The following ADAMTSL3 variants were observed in gnomAD, a reference collection of about 807,000 sequenced individuals.
ADAMTSL3 encodes the protein ADAMTS-like protein 3.
In ADAMTSL3, 128 loss-of-function variants were observed where a neutral mutation model predicts 201.7. The ratio of observed to expected loss-of-function variants is 0.63; its 90% CI spans 0.55 to 0.73. ADAMTSL3 has a LOEUF of 0.73. Among genes scored for constraint, ADAMTSL3 ranks in the 30% least tolerant of loss-of-function variants. The pLI, the probability that ADAMTSL3 is intolerant of heterozygous loss-of-function variation, is 0.00. For missense variants in ADAMTSL3, 1,990 were observed against 2,119.6 expected (o/e 0.94, Z 1.20); for synonymous variants, 738 against 748.4 (o/e 0.99, Z 0.23).
At chr15:84,002,936 C>CTTTTCT (rs372772367) in intron 23 of ADAMTSL3, among the ~76,000 whole-genome samples, 36 of 100,000 alleles carry the variant, frequency 3.6e-4, no homozygotes, top group African/African-American at 8.4e-4. Flanking sequence ...CTTTTCTTTT[C>CTTTTCT]TTTTTTTTTT....
At chr15:83,834,650 A>G (rs1196459661) in intron 6 of ADAMTSL3, among the ~76,000 whole-genome samples, 1 of 152,228 alleles carries the variant, frequency 6.6e-6, no homozygotes, top group Non-Finnish European at 1.5e-5. Flanking sequence ...GTGATGATTT[A>G]TAGATGAATA....
intron 3 of ADAMTSL3, among the ~76,000 whole-genome samples, chr15:83,726,085 G>A (rs564938477): frequency 1.3e-4 from 20 of 151,882 alleles, no homozygotes; most frequent in South Asian, 1.0e-3. Context: ...TCAACGTTTC[G>A]TCGTTTTCAT....
chr15:83,951,574 G>A (rs1440422136), intron 19 of ADAMTSL3, among the ~76,000 whole-genome samples: 1 of 152,128 alleles, frequency 6.6e-6, no homozygotes, highest in Non-Finnish European at 1.5e-5. Context: ...TTTCAGAACA[G>A]TTCGAGTAAG....
rs1358403096 is a variant in ADAMTSL3, at chr15:83,822,025, C to T, written c.600+1978C>T. 2.0e-4 allele frequency among the ~76,000 whole-genome samples: 26 copies of T among 132,412 alleles called. 1 individual carries two copies. The highest frequency in any genetic ancestry group is 7.8e-4 in the South Asian group (3 of 3,864). The allele number at this position is 132,412 out of a possible 152,430, so 86.9% of individuals were successfully genotyped here. ...TGACCTCCCCCACCTCCCTCCCGGA[C>T]GGGGTGGCTGGCCGGGCAGAGGGGC... On this transcript the variant is annotated intron_variant, in intron 6 of 29. Coordinates refer to ENST00000286744, the MANE Select transcript of ADAMTSL3 (RefSeq NM_207517.3).
chr15:83,942,627 G>T lies in ADAMTSL3; in HGVS notation c.2149G>T (p.Ala717Ser). 6.2e-7 allele frequency: 1 copy of T among 1,613,824 alleles called. No individual in the cohort carries two copies. Among genetic ancestry groups the T allele is most frequent in the Non-Finnish European group, 8.5e-7 (1 of 1,179,938 alleles). ...TGTGGGCTCTTGGGGGCCCTGCTCA[G>T]CTACCTGTGGAGTTGGAATTCAGAC... ...WHVGSWGPCS[A>S]TCGVGIQTRD... The change falls in exon 18 of 30, where the codon GCT (alanine) becomes TCT (serine). Residue 717 changes from alanine to serine, a missense_variant. Ala to Ser is a moderately conservative substitution (Grantham distance 99, BLOSUM62 1). Coordinates refer to ENST00000286744, the MANE Select transcript of ADAMTSL3 (RefSeq NM_207517.3).
At chr15:83,673,847 G>T (rs912857183) in intron 2 of ADAMTSL3, among the ~76,000 whole-genome samples, 10 of 152,308 alleles carry the variant, frequency 6.6e-5, no homozygotes, top group Admixed American at 6.5e-4. Flanking sequence ...TGAGACTAGG[G>T]TTGGCACCAG....
intron 2 of ADAMTSL3, among the ~76,000 whole-genome samples, chr15:83,658,310 T>C (rs2061119390): frequency 6.6e-6 from 1 of 152,206 alleles, no homozygotes. Flanking sequence ...GGTTTTGCCA[T>C]GTTGGCCAGG....
intron 25 of ADAMTSL3, among the ~76,000 whole-genome samples, chr15:84,017,255 C>A (rs1003814360): frequency 1.4e-4 from 22 of 152,074 alleles, no homozygotes; most frequent in African/African-American, 5.3e-4. Context: ...GTAGCTGGGA[C>A]TACAGCCACC....
chr15:83,998,320 A>G (rs569382647), intron 23 of ADAMTSL3, among the ~76,000 whole-genome samples: 2 of 152,124 alleles, frequency 1.3e-5, no homozygotes, highest in Non-Finnish European at 2.9e-5. Context: ...ATAGTGGTGC[A>G]TGCCTGTAAT....
At chr15:83,937,001 T>G (rs1163369670) in intron 17 of ADAMTSL3, among the ~76,000 whole-genome samples, 2 of 150,732 alleles carry the variant, frequency 1.3e-5, no homozygotes, top group Non-Finnish European at 1.5e-5. Flanking sequence ...TATTAAAAAG[T>G]CAAAAAATTA....
intron 5 of ADAMTSL3, among the ~76,000 whole-genome samples, chr15:83,814,628 A>G (rs1326655751): frequency 6.6e-6 from 1 of 152,170 alleles, no homozygotes; most frequent in Non-Finnish European, 1.5e-5. Flanking sequence ...CCAACAATTT[A>G]TTTTTATGCT....
Position 83,874,404 on chromosome 15 carries a change from G to C in ADAMTSL3, c.960+3445G>C, listed in dbSNP as rs370473191. Among the ~76,000 whole-genome samples the C allele has an allele frequency of 1.2e-4, 17 of 144,740 alleles. 1 individual carries two copies. Among genetic ancestry groups the C allele is most frequent in the Admixed American group, 5.4e-4 (8 of 14,792 alleles). 95.0% of individuals were successfully genotyped at this position (144,740 alleles called of 152,430 possible). On this transcript the variant is annotated intron_variant, in intron 9 of 29. Transcript: ENST00000286744. Reference sequence around the variant, plus strand: ...TTTAGTCACAGGTTGAGTCTCCCCGGAGTCTCCTTCAGTTCCTGAGTGGTA... The same window carrying C: ...TTTAGTCACAGGTTGAGTCTCCCCGCAGTCTCCTTCAGTTCCTGAGTGGTA...
At chr15:83,760,360 A>G (rs1280883627) in intron 3 of ADAMTSL3, among the ~76,000 whole-genome samples, 1 of 152,120 alleles carries the variant, frequency 6.6e-6, no homozygotes, top group African/African-American at 2.4e-5. Flanking sequence ...TGTCAGAGAA[A>G]AAACTTGTAT....
intron 5 of ADAMTSL3, among the ~76,000 whole-genome samples, chr15:83,808,929 A>AC (rs1218951106): frequency 5.3e-5 from 8 of 151,834 alleles, no homozygotes; most frequent in East Asian, 1.9e-4. Flanking sequence ...AAAAAAAAAA[A>AC]AACAACTTGA....
intron 28 of ADAMTSL3, among the ~76,000 whole-genome samples, chr15:84,032,339 T>C (rs1042109473): frequency 2.0e-5 from 3 of 152,220 alleles, no homozygotes; most frequent in African/African-American, 7.2e-5. Context: ...GGTTACCATT[T>C]TGAGCCTTCA....
rs2061181409 is a variant in ADAMTSL3, at chr15:83,662,392, G to A, written c.69+6562G>A. Among the ~76,000 whole-genome samples, 3 of 139,520 alleles carry A rather than the reference G, an allele frequency of 2.2e-5. No individual in the cohort carries two copies. In the South Asian group the frequency reaches 7.4e-4, roughly 34 times the overall value. 91.5% of individuals were successfully genotyped at this position (139,520 alleles called of 152,430 possible). A position where few individuals can be genotyped will look rare whatever the true frequency, so the allele number is the denominator to read the frequency against. ...GAACAGTGAGATCACATGGACACAG[G>A]AAGGGGAATATCACACTCTGGGGAC... is the stretch of plus-strand genomic sequence containing the variant. On this transcript the variant is annotated intron_variant, in intron 2 of 29. Coordinates refer to ENST00000286744, the MANE Select transcript of ADAMTSL3 (RefSeq NM_207517.3).
intron 22 of ADAMTSL3, 60 bp downstream of exon 22, chr15:83,988,878 TA>T: frequency 9.4e-7 from 1 of 1,065,752 alleles, no homozygotes; most frequent in Non-Finnish European, 1.2e-6. Context: ...TTTATTTATT[TA>T]TTTATTTATT....
intron 23 of ADAMTSL3, among the ~76,000 whole-genome samples, chr15:84,000,699 T>C (rs1354499321): frequency 2.0e-5 from 3 of 152,196 alleles, no homozygotes; most frequent in Non-Finnish European, 2.9e-5. Flanking sequence ...AAAAGGTTTA[T>C]TAAAAAGATG....
chr15:83,885,152 C>A lies in ADAMTSL3; in HGVS notation c.1012C>A (p.Pro338Thr), dbSNP rs754342063. Residue 338 changes from proline (P) to threonine (T), a missense_variant, in exon 10 of 30, where the codon CCC (proline) becomes ACC (threonine). Coordinates refer to ENST00000286744, the MANE Select transcript of ADAMTSL3 (RefSeq NM_207517.3). The stretch of plus-strand genomic sequence containing the variant: ...CGTGGTTCAGTTCTTCTTTTACCAG[C>A]CCATCAGTCATCAGTGGAGACAAAC... ...DSVVQFFFYQPISHQWRQTDF... is the reference protein window; with the variant it reads ...DSVVQFFFYQTISHQWRQTDF... 6.2e-7 allele frequency: 1 copy of A among 1,614,038 alleles called. No homozygotes were observed. Among genetic ancestry groups the A allele is most frequent in the Non-Finnish European group, 8.5e-7 (1 of 1,180,012 alleles).
Sources: gnomAD v4.1 joint callset for allele counts (sites outside exome capture counted in the v4.1 genomes callset) on GRCh38, gnomAD v4.1.1 for gene constraint, MANE v1.5 for transcripts, NCBI Gene and HGNC (gene_info 2026-07-23, HGNC 2026-07-21) for gene names.